DOCK4: variants seen among roughly 807,000 people sequenced by gnomAD.
DOCK4 encodes dedicator of cytokinesis protein 4.
Under a neutral mutation model 268.1 loss-of-function variants are expected in DOCK4, and 97 were observed. The ratio of observed to expected loss-of-function variants is 0.36; its 90% CI spans 0.31 to 0.43. DOCK4 has a LOEUF of 0.43. Ranked by LOEUF, DOCK4 falls within the 20% of genes least tolerant of loss-of-function variation. DOCK4 has a pLI of 1.00. For missense variants in DOCK4, 2,145 were observed against 2,455.7 expected, an observed-to-expected ratio of 0.87 and a Z score of 2.67; for synonymous variants, 954 against 887.2, an observed-to-expected ratio of 1.08 and a Z score of -1.34.
intron 1 of DOCK4, among the ~76,000 whole-genome samples, chr7:112,088,969 A>G (rs1016104944): frequency 2.0e-5 from 3 of 152,140 alleles, no homozygotes; most frequent in Non-Finnish European, 4.4e-5. Context: ...GCTTGTTTTT[A>G]TATGTTGTCA....
intron 1 of DOCK4, among the ~76,000 whole-genome samples, chr7:112,200,622 G>A (rs1406814571): frequency 6.7e-6 from 1 of 148,792 alleles, no homozygotes; most frequent in Non-Finnish European, 1.5e-5. Context: ...CTCAGAAAAT[G>A]TTGTCTCCTT....
chr7:112,141,281 T>C (rs945386126), intron 1 of DOCK4, among the ~76,000 whole-genome samples: 2 of 152,170 alleles, frequency 1.3e-5, no homozygotes, highest in African/African-American at 4.8e-5. Flanking sequence ...GCCACACAGT[T>C]ACCAGAAGAC....
chr7:111,828,610 TAA>T (rs1311840517), intron 26 of DOCK4, among the ~76,000 whole-genome samples: 4 of 152,100 alleles, frequency 2.6e-5, no homozygotes, highest in Non-Finnish European at 5.9e-5. Context: ...AATTAAAATG[TAA>T]AATGTGTACA....
At chr7:111,795,273 T>C (rs1563515793) in intron 30 of DOCK4, among the ~76,000 whole-genome samples, 1 of 151,748 alleles carries the variant, frequency 6.6e-6, no homozygotes, top group Non-Finnish European at 1.5e-5. Flanking sequence ...GAAGTACAGC[T>C]GAGAAACATA....
intron 1 of DOCK4, among the ~76,000 whole-genome samples, chr7:112,016,980 C>T (rs1011901704): frequency 1.3e-5 from 2 of 152,118 alleles, no homozygotes; most frequent in Non-Finnish European, 2.9e-5. Context: ...AAGGAAAATT[C>T]GATGGGTCCT....
At chr7:112,150,364 G>A (rs771475611) in intron 1 of DOCK4, among the ~76,000 whole-genome samples, 11 of 152,108 alleles carry the variant, frequency 7.2e-5, no homozygotes, top group South Asian at 4.1e-4. Context: ...TGAAACATCC[G>A]TCAAGAATGA....
chr7:111,791,100 A>ATATATATATAT (rs67130458), intron 30 of DOCK4, among the ~76,000 whole-genome samples: 27 of 124,150 alleles, frequency 2.2e-4, no homozygotes, highest in African/African-American at 6.7e-4. Flanking sequence ...ATATATATAT[A>ATATATATATAT]AAATAAATCA....
intron 1 of DOCK4, among the ~76,000 whole-genome samples, chr7:112,026,632 A>G (rs995153254): frequency 3.3e-5 from 5 of 152,216 alleles, no homozygotes; most frequent in African/African-American, 1.2e-4. Context: ...AAAATTATAT[A>G]AAATTCAAAT....
intron 8 of DOCK4, among the ~76,000 whole-genome samples, chr7:111,948,712 A>G (rs1795819191): frequency 1.3e-5 from 2 of 151,552 alleles, no homozygotes; most frequent in South Asian, 4.2e-4. Context: ...CTCCTGCCTC[A>G]GCTTCCTGAG....
chr7:111,791,375 G>A (rs146811549), intron 30 of DOCK4, among the ~76,000 whole-genome samples: 5 of 150,798 alleles, frequency 3.3e-5, no homozygotes, highest in Middle Eastern at 3.4e-3. Flanking sequence ...GTGAGATTAC[G>A]GGTGATTTTT....
chr7:111,917,336 A>G (rs546621791), intron 12 of DOCK4, among the ~76,000 whole-genome samples: 1 of 152,206 alleles, frequency 6.6e-6, no homozygotes, highest in East Asian at 1.9e-4. Flanking sequence ...TATATTTACT[A>G]TATTAGTGAT....
chr7:111,908,964 C>G (rs571511369), intron 13 of DOCK4, among the ~76,000 whole-genome samples: 23 of 152,292 alleles, frequency 1.5e-4, no homozygotes, highest in African/African-American at 5.3e-4. Context: ...CTAGTCTTTG[C>G]TGTTATAAAT....
In DOCK4 at chr7:111,831,725, G is replaced by T. The variant is rs2134012858; in HGVS notation, c.2835+2863C>A. Among the ~76,000 whole-genome samples, 3 of 152,202 alleles carry T rather than the reference G, an allele frequency of 2.0e-5. No individual in the cohort carries two copies. In the Middle Eastern group the frequency reaches 0.01, roughly 518 times the overall value. ...TGGTCTCTAACTCCTGGGCTCAAGT[G>T]ATCCTCCTGCCTTGGCCTCCCAAAG... On this transcript the variant is annotated intron_variant, in intron 26 of 52. Coordinates refer to ENST00000428084, the MANE Select transcript of DOCK4 (RefSeq NM_001363540.2).
At chr7:112,119,856 T>A (rs770045072) in intron 1 of DOCK4, among the ~76,000 whole-genome samples, 73 of 151,750 alleles carry the variant, frequency 4.8e-4, no homozygotes, top group Non-Finnish European at 9.1e-4. Flanking sequence ...TGGCTTTTTT[T>A]TTTTTTTCCG....
At chr7:112,034,067 A>G (rs1006644008) in intron 1 of DOCK4, among the ~76,000 whole-genome samples, 6 of 152,200 alleles carry the variant, frequency 3.9e-5, no homozygotes, top group Non-Finnish European at 8.8e-5. Flanking sequence ...CATATGGGAA[A>G]TACAGAGAGA....
chr7:111,945,882 A>T, intron 8 of DOCK4, 84 bp from the exon 9 acceptor site: 1 of 1,010,362 alleles, frequency 9.9e-7, no homozygotes, highest in African/African-American at 1.6e-5. Flanking sequence ...TCATCACAAC[A>T]GGTAAGCTAA....
At chr7:112,043,637 C>G (rs1263808921) in intron 1 of DOCK4, among the ~76,000 whole-genome samples, 1 of 151,950 alleles carries the variant, frequency 6.6e-6, no homozygotes, top group Non-Finnish European at 1.5e-5. Context: ...TAGAGCAGAG[C>G]ATGCTACCAA....
intron 23 of DOCK4, among the ~76,000 whole-genome samples, chr7:111,848,681 T>C (rs1804301840): frequency 6.6e-6 from 1 of 152,164 alleles, no homozygotes; most frequent in Admixed American, 6.5e-5. Flanking sequence ...GGCCAATTCA[T>C]GCTGACTTCC....
chr7:112,149,981 G>C (rs1815903848), intron 1 of DOCK4, among the ~76,000 whole-genome samples: 2 of 152,332 alleles, frequency 1.3e-5, no homozygotes, highest in Admixed American at 6.5e-5. Flanking sequence ...CAAGGTACCA[G>C]CTGCTTCCAA....
Sources: allele counts gnomAD v4.1 joint callset (sites outside exome capture counted in the v4.1 genomes callset), GRCh38; gene constraint gnomAD v4.1.1; transcripts MANE v1.5; gene names NCBI Gene and HGNC (gene_info 2026-07-23, HGNC 2026-07-21).